The following NEGR1 variants were observed in gnomAD, a reference collection of about 807,000 sequenced individuals.
NEGR1 encodes IgLON family member 4.
NEGR1 carries 10 observed loss-of-function variants against 40.9 expected under a neutral mutation model. That is an observed-to-expected ratio of 0.24 (90% CI 0.15 to 0.42). The LOEUF is 0.42. Among genes scored for constraint, NEGR1 ranks in the 10% least tolerant of loss-of-function variants. NEGR1 has a pLI of 1.00. For missense variants in NEGR1, 352 were observed against 438.9 expected, an observed-to-expected ratio of 0.80 and a Z score of 1.77; for synonymous variants, 185 against 166.8, an observed-to-expected ratio of 1.11 and a Z score of -0.84.
Position 71,711,520 on chromosome 1 carries a change from G to A in NEGR1, c.536-13381C>T, listed in dbSNP as rs191678681. On this transcript the variant is annotated intron_variant, in intron 3 of 6. Transcript: ENST00000357731. ...AAAAGATTAGTGCTGTTAGGAAGCA[G>A]AATAACTTGAATTCTCCTACACTGC... Among the ~76,000 whole-genome samples the A allele has an allele frequency of 6.0e-4, 90 of 149,022 alleles. 1 individual carries two copies. Among genetic ancestry groups the A allele is most frequent in the African/African-American group, 2.1e-3 (86 of 40,690 alleles).
At chr1:71,927,959 A>G (rs1387746789) in intron 2 of NEGR1, among the ~76,000 whole-genome samples, 1 of 147,256 alleles carries the variant, frequency 6.8e-6, no homozygotes, top group Admixed American at 6.9e-5. Flanking sequence ...AGACTGAGCC[A>G]CTACACTTCA....
intron 3 of NEGR1, among the ~76,000 whole-genome samples, chr1:71,721,947 C>T (rs1390192983): frequency 1.3e-5 from 2 of 152,016 alleles, no homozygotes; most frequent in East Asian, 3.9e-4. Context: ...AATAAAAAGA[C>T]TGAAAGGAGG....
intron 2 of NEGR1, among the ~76,000 whole-genome samples, chr1:71,797,609 T>A (rs888072653): frequency 6.6e-6 from 1 of 152,218 alleles, no homozygotes; most frequent in African/African-American, 2.4e-5. Flanking sequence ...GAACACTACC[T>A]GACATAAATT....
intron 4 of NEGR1, among the ~76,000 whole-genome samples, chr1:71,648,556 C>T (rs936552240): frequency 6.6e-6 from 1 of 151,862 alleles, no homozygotes; most frequent in African/African-American, 2.4e-5. Flanking sequence ...GAATAGGAGG[C>T]CTGGATTCTA....
intron 3 of NEGR1, among the ~76,000 whole-genome samples, chr1:71,739,809 G>T (rs1434638890): frequency 6.6e-6 from 1 of 152,044 alleles, no homozygotes; most frequent in Non-Finnish European, 1.5e-5. Context: ...TATAGGTTTT[G>T]TCTTTATAAA....
chr1:71,901,545 G>A (rs1314302480), intron 2 of NEGR1, among the ~76,000 whole-genome samples: 1 of 151,872 alleles, frequency 6.6e-6, no homozygotes, highest in African/African-American at 2.4e-5. Flanking sequence ...TTGGCTTAGA[G>A]AAGATAAAAC....
intron 3 of NEGR1, among the ~76,000 whole-genome samples, chr1:71,748,668 C>T (rs1655466629): frequency 6.6e-6 from 1 of 152,006 alleles, no homozygotes; most frequent in Non-Finnish European, 1.5e-5. Flanking sequence ...TTATTTCTGC[C>T]TTTTAAAAAA....
rs954241352 is a variant in NEGR1, at chr1:72,250,822, C to T, written c.176+31497G>A. Among the ~76,000 whole-genome samples the T allele has an allele frequency of 2.6e-5, 4 of 152,150 alleles. No homozygotes were observed. The South Asian group carries it at 6.2e-4, about 24-fold the overall frequency. ...CCAAGAAGAATGTGATTTTCCCTGC[C>T]AGCAGCAATCCGCAATAGGGCTGTA... On this transcript the variant is annotated intron_variant, in intron 1 of 6. Transcript: ENST00000357731.
At chr1:71,587,641 C>T (rs185926476) in intron 6 of NEGR1, among the ~76,000 whole-genome samples, 69 of 115,640 alleles carry the variant, frequency 6.0e-4, no homozygotes, top group African/African-American at 2.0e-3. Flanking sequence ...AATGCATACA[C>T]GAGTACACAC....
chr1:71,455,262 T>C (rs1179750205), intron 6 of NEGR1, among the ~76,000 whole-genome samples: 1 of 152,224 alleles, frequency 6.6e-6, no homozygotes, highest in African/African-American at 2.4e-5. Context: ...AATATATTAT[T>C]CGGTACATAA....
chr1:72,072,492 A>G (rs1299485045), intron 1 of NEGR1, among the ~76,000 whole-genome samples: 3 of 152,224 alleles, frequency 2.0e-5, no homozygotes, highest in Non-Finnish European at 4.4e-5. Flanking sequence ...ACAGACCTGC[A>G]TGAAAAGTGG....
At chr1:71,756,407 CAA>C (rs869043335) in intron 3 of NEGR1, among the ~76,000 whole-genome samples, 3 of 45,744 alleles carry the variant, frequency 6.6e-5, no homozygotes, top group South Asian at 1.4e-3. Context: ...AAAACAAAAA[CAA>C]ACAAAAAAAA....
At chr1:72,199,142 TAGAC>T (rs200967252) in intron 1 of NEGR1, among the ~76,000 whole-genome samples, 1,888 of 142,858 alleles carry the variant, frequency 0.013, 25 homozygotes, top group African/African-American at 0.027. Flanking sequence ...TCTATCTAGA[TAGAC>T]AGACAGAGAG....
chr1:71,776,223 C>A lies in NEGR1; in HGVS notation c.484G>T (p.Ala162Ser). 6.2e-7 allele frequency: 1 copy of A among 1,608,816 alleles called. No individual in the cohort carries two copies. Residue 162 changes from alanine to serine, a missense_variant, in exon 3 of 7, where the codon GCC becomes TCC. Ala to Ser is a moderately conservative substitution (Grantham distance 99). Transcript: ENST00000357731. ...EGTNVTLTCL[A>S]TGKPEPSISW... Reference sequence around the variant, plus strand: ...ATGGAAGGCTCTGGTTTCCCAGTGGCCAAACAAGTAAGAGTGACGTTGGTT... The same window carrying A: ...ATGGAAGGCTCTGGTTTCCCAGTGGACAAACAAGTAAGAGTGACGTTGGTT...
chr1:71,957,748 A>C (rs2100288968), intron 1 of NEGR1, among the ~76,000 whole-genome samples: 1 of 152,272 alleles, frequency 6.6e-6, no homozygotes, highest in Middle Eastern at 3.4e-3. Flanking sequence ...TGATTACATA[A>C]TTTTCTGCTC....
intron 4 of NEGR1, among the ~76,000 whole-genome samples, chr1:71,668,530 C>T (rs961936713): frequency 3.9e-5 from 6 of 151,938 alleles, no homozygotes; most frequent in African/African-American, 7.3e-5. Flanking sequence ...GAGAGAGAAA[C>T]GTCGTTAAAG....
intron 2 of NEGR1, among the ~76,000 whole-genome samples, chr1:71,927,082 T>C (rs769386043): frequency 6.6e-6 from 1 of 152,278 alleles, no homozygotes; most frequent in African/African-American, 2.4e-5. Context: ...ATTCACCTTA[T>C]ATCTTATAAA....
intron 4 of NEGR1, among the ~76,000 whole-genome samples, chr1:71,663,678 T>C (rs1652144632): frequency 6.6e-6 from 1 of 152,220 alleles, no homozygotes; most frequent in Admixed American, 6.5e-5. Flanking sequence ...AGTACCTCTT[T>C]AGAAAATTGA....
intron 1 of NEGR1, among the ~76,000 whole-genome samples, chr1:72,190,162 C>T (rs1053306067): frequency 1.3e-5 from 2 of 151,470 alleles, no homozygotes; most frequent in Non-Finnish European, 3.0e-5. Context: ...TTAATCACAA[C>T]TTGATAAGTA....
Sources: gnomAD v4.1 joint callset for allele counts (sites outside exome capture counted in the v4.1 genomes callset) on GRCh38, gnomAD v4.1.1 for gene constraint, MANE v1.5 for transcripts, NCBI Gene and HGNC (gene_info 2026-07-23, HGNC 2026-07-21) for gene names.